The following RMDN2 variants were observed in gnomAD, a reference collection of about 807,000 sequenced individuals.
RMDN2 encodes the protein regulator of microtubule dynamics protein 2.
RMDN2 carries 61 observed loss-of-function variants against 52.8 expected under a neutral mutation model. The observed-to-expected ratio is 1.16, with a 90% CI of 0.94 to 1.43. The LOEUF (loss-of-function observed/expected upper bound fraction) is 1.43. Among genes scored for constraint, RMDN2 ranks in the 40% most tolerant of loss-of-function variants. The pLI is 0.00. For synonymous variants in RMDN2, 180 were observed against 153.1 expected, an observed-to-expected ratio of 1.18 and a Z score of -1.30; for missense variants, 592 against 475.3, an observed-to-expected ratio of 1.25 and a Z score of -2.28.
chr2:37,950,996 G>T (rs1668707028), intron 2 of RMDN2, among the ~76,000 whole-genome samples: 1 of 151,900 alleles, frequency 6.6e-6, no homozygotes. Context: ...TAATAGAGTG[G>T]GTAGGTACTG....
chr2:38,064,996 G>C (rs1013723113), intron 10 of RMDN2, among the ~76,000 whole-genome samples: 1 of 152,096 alleles, frequency 6.6e-6, no homozygotes, highest in Non-Finnish European at 1.5e-5. Context: ...CATGCGTATG[G>C]CATGCATTAC....
intron 5 of RMDN2, among the ~76,000 whole-genome samples, chr2:37,984,067 A>G (rs1336820162): frequency 2.0e-5 from 3 of 152,216 alleles, no homozygotes; most frequent in Non-Finnish European, 2.9e-5. Context: ...AGTTTGAAAC[A>G]AAAGATGTAA....
chr2:37,981,068 G>T (rs941367355), intron 4 of RMDN2, among the ~76,000 whole-genome samples: 2 of 152,162 alleles, frequency 1.3e-5, no homozygotes, highest in African/African-American at 4.8e-5. Flanking sequence ...CAGAATCATT[G>T]GAGGCTCATT....
intron 10 of RMDN2, among the ~76,000 whole-genome samples, chr2:38,005,815 C>G (rs1465454071): frequency 6.6e-6 from 1 of 152,176 alleles, no homozygotes; most frequent in Admixed American, 6.5e-5. Context: ...AAGTTTTCTC[C>G]TAGGGTTTTT....
rs776609152 is a variant in RMDN2, at chr2:37,929,410, C to G, written c.133C>G (p.Leu45Val). The G allele has an allele frequency of 9.0e-6, 14 of 1,551,482 alleles. No homozygotes were observed. In the East Asian group the frequency reaches 1.2e-4, roughly 14 times the overall value. The change falls in exon 2 of 11, where the codon CTG (leucine) becomes GTG (valine). Residue 45 changes from leucine to valine, a missense_variant. Transcript: ENST00000354545. ...IAMKLPEFLSLGNTFNSITLQ... is the reference protein window; with the variant it reads ...IAMKLPEFLSVGNTFNSITLQ... ...AATGAAGTTACCTGAATTTCTTTCT[C>G]TGGGTAATACATTTAATTCAATAAC... is the stretch of plus-strand genomic sequence containing the variant.
chr2:38,011,978 G>T (rs749523451), intron 10 of RMDN2, among the ~76,000 whole-genome samples: 1 of 152,100 alleles, frequency 6.6e-6, no homozygotes, highest in African/African-American at 2.4e-5. Flanking sequence ...AAATGTAAAC[G>T]TCAACATGTC....
chr2:37,967,489 C>T (rs1051542795), intron 2 of RMDN2, among the ~76,000 whole-genome samples: 2 of 152,182 alleles, frequency 1.3e-5, no homozygotes, highest in African/African-American at 4.8e-5. Context: ...AAAGCAAAAG[C>T]AGACTGGTCA....
chr2:37,946,500 A>C (rs1254144239), intron 2 of RMDN2, among the ~76,000 whole-genome samples: 2 of 152,228 alleles, frequency 1.3e-5, no homozygotes, highest in African/African-American at 4.8e-5. Flanking sequence ...TGGTGTTCCC[A>C]GTGCTTTGCA....
At chr2:37,975,439 C>T (rs1672344025) in intron 4 of RMDN2, 125 bp downstream of exon 4, 3 of 568,698 alleles carry the variant, frequency 5.3e-6, no homozygotes, top group Non-Finnish European at 9.5e-6. Flanking sequence ...CCATCATTCT[C>T]AGCAAACTAA....
At chr2:38,016,187 G>C (rs1678755027) in intron 10 of RMDN2, among the ~76,000 whole-genome samples, 2 of 152,228 alleles carry the variant, frequency 1.3e-5, no homozygotes. Context: ...CTCGGCATCA[G>C]ATTCATATGT....
At chr2:37,935,413 T>G (rs563776017) in intron 2 of RMDN2, among the ~76,000 whole-genome samples, 2 of 152,364 alleles carry the variant, frequency 1.3e-5, no homozygotes, top group East Asian at 3.9e-4. Context: ...AATGTGGAAC[T>G]TCAGTTGTTC....
chr2:38,035,382 A>G (rs1680503874), intron 10 of RMDN2, among the ~76,000 whole-genome samples: 1 of 152,212 alleles, frequency 6.6e-6, no homozygotes, highest in Non-Finnish European at 1.5e-5. Flanking sequence ...CCTTCAATTA[A>G]TCTACAAATT....
chr2:38,030,305 A>G (rs1000170983), intron 10 of RMDN2: 1 of 152,256 alleles, frequency 6.6e-6, no homozygotes, highest in African/African-American at 2.4e-5. Context: ...TAATCATTGT[A>G]TCATTTCTCT....
In RMDN2 at chr2:37,976,130, ACT is replaced by A. The variant is rs755246048; in HGVS notation, c.730+819_730+820del. 6.6e-5 allele frequency among the ~76,000 whole-genome samples: 10 copies of A among 152,162 alleles called. No homozygotes were observed. The East Asian group carries it at 1.7e-3, about 26-fold the overall frequency. ...TGAAACAAGATTAACCTTGTTAAAA[ACT>A]CTGTTTGATAATTGTCTAAGCTGAA... On this transcript the variant is annotated intron_variant, in intron 4 of 10. Coordinates refer to ENST00000354545, the MANE Select transcript of RMDN2 (RefSeq NM_001170791.3).
rs921617867 is a variant in RMDN2, at chr2:37,996,006, C to A, written c.946-1410C>A. ...TACCTTGGGAACCATTGATTAGCAT[C>A]TTTTAAATTTGACTGTTTGCCTGCC... On this transcript the variant is annotated intron_variant, in intron 7 of 10. Transcript: ENST00000354545. Among the ~76,000 whole-genome samples, 4 of 152,156 alleles carry A rather than the reference C, an allele frequency of 2.6e-5. No homozygotes were observed. In the East Asian group the frequency reaches 7.7e-4, roughly 29 times the overall value.
intron 10 of RMDN2, among the ~76,000 whole-genome samples, chr2:38,060,906 G>A (rs1682018874): frequency 6.6e-6 from 1 of 152,202 alleles, no homozygotes; most frequent in Non-Finnish European, 1.5e-5. Context: ...ACTGGGATGA[G>A]GGTGGAAATC....
chr2:37,936,515 G>A (rs556950851), intron 2 of RMDN2, among the ~76,000 whole-genome samples: 1 of 152,320 alleles, frequency 6.6e-6, no homozygotes, highest in South Asian at 2.1e-4. Context: ...CACCAACAGT[G>A]TAAAGTGTTC....
intron 1 of RMDN2, 82 bp downstream of exon 1, chr2:37,925,507 C>G (rs889919982): frequency 2.0e-5 from 3 of 152,682 alleles, no homozygotes; most frequent in Non-Finnish European, 4.4e-5. Flanking sequence ...AGCGGAAATA[C>G]TTGCGGTGGG....
chr2:38,033,733 G>C (rs1305494232), intron 10 of RMDN2, among the ~76,000 whole-genome samples: 2 of 152,138 alleles, frequency 1.3e-5, no homozygotes, highest in Non-Finnish European at 1.5e-5. Flanking sequence ...GAAAATTTGA[G>C]ATCAAATTTA....
Sources: allele counts gnomAD v4.1 joint callset (sites outside exome capture counted in the v4.1 genomes callset), GRCh38; gene constraint gnomAD v4.1.1; transcripts MANE v1.5; gene names NCBI Gene and HGNC (gene_info 2026-07-23, HGNC 2026-07-21).